The following SPAG9 variants were observed in gnomAD, a reference collection of about 807,000 sequenced individuals.
The protein encoded by SPAG9 is sperm associated antigen 9, also known as C-Jun-amino-terminal kinase-interacting protein 4.
SPAG9 carries 35 observed loss-of-function variants against 166.5 expected under a neutral mutation model. That is an observed-to-expected ratio of 0.21 (90% confidence interval 0.16 to 0.28). The LOEUF is 0.28. Ranked by LOEUF, SPAG9 falls within the 10% of genes least tolerant of loss-of-function variation. The pLI, the probability that SPAG9 is intolerant of heterozygous loss-of-function variation, is 1.00. For missense variants in SPAG9, 1,235 were observed against 1,603.3 expected, an observed-to-expected ratio of 0.77 and a Z score of 3.92; for synonymous variants, 534 against 565.5, an observed-to-expected ratio of 0.94 and a Z score of 0.79.
At chr17:51,001,964 T>A in intron 12 of SPAG9, 119 bp from the exon 13 acceptor site, 1 of 874,932 alleles carries the variant, frequency 1.1e-6, no homozygotes, top group Non-Finnish European at 1.8e-6. Flanking sequence ...ATCTAGTAGA[T>A]CATTTAAAGA....
intron 25 of SPAG9, among the ~76,000 whole-genome samples, chr17:50,981,390 G>GTGGATGGATGGATGGA (rs529102170): frequency 2.9e-4 from 44 of 150,142 alleles, no homozygotes; most frequent in African/African-American, 1.1e-3. Context: ...CAACCTGTGT[G>GTGGATGGATGGATGGA]TGGATGGATG....
chr17:51,120,180 C>T lies in SPAG9; in HGVS notation c.303+174G>A, dbSNP rs1598216954. On this transcript the variant is annotated intron_variant, in intron 1 of 29. Transcript: ENST00000262013. This position sits in a 1 kb window ranked among gnomAD's most constrained non-coding sequence, Gnocchi z 4.7. ...CAGTAGCCGGCCTCGGCTTCCAACG[C>T]CGGCCTGGCTCCCGGGGTACCTGGA... Among the ~76,000 whole-genome samples, 1 of 152,228 alleles carries T rather than the reference C, an allele frequency of 6.6e-6. No individual in the cohort carries two copies. Among genetic ancestry groups the T allele is most frequent in the East Asian group, 1.9e-4 (1 of 5,196 alleles).
At chr17:51,099,200 G>A (rs898348935) in intron 1 of SPAG9, among the ~76,000 whole-genome samples, 14 of 151,702 alleles carry the variant, frequency 9.2e-5, no homozygotes, top group Non-Finnish European at 1.6e-4. Flanking sequence ...TTGAGAGACC[G>A]AGGTGGGCAG....
intron 6 of SPAG9, among the ~76,000 whole-genome samples, chr17:51,027,322 C>T (rs112458272): frequency 6.6e-6 from 1 of 151,950 alleles, no homozygotes; most frequent in Non-Finnish European, 1.5e-5. Flanking sequence ...GTCCCAGCTA[C>T]CTGGGCGGCT....
At chr17:50,990,191 T>C in intron 20 of SPAG9, 1 of 514,098 alleles carries the variant, frequency 1.9e-6, no homozygotes, top group South Asian at 2.1e-5. Flanking sequence ...CCACGCCCGG[T>C]TAATTTTTTG....
At chr17:50,989,097 T>G (rs1462374900) in intron 21 of SPAG9, among the ~76,000 whole-genome samples, 2 of 152,170 alleles carry the variant, frequency 1.3e-5, no homozygotes, top group African/African-American at 4.8e-5. Flanking sequence ...AGATTTTGAC[T>G]AATATATAGT....
Position 50,970,696 on chromosome 17 carries a change from C to G in SPAG9, c.3850+11G>C. On this transcript the variant is annotated intron_variant, in intron 29 of 29. Transcript: ENST00000262013. ...ACAGTGCAAACTGAGCACCCAGAAC[C>G]AATGACATACCCATTCGGAAGTCGA... The G allele has an allele frequency of 6.2e-7, 1 of 1,612,834 alleles. No individual in the cohort carries two copies. Among genetic ancestry groups the G allele is most frequent in the Non-Finnish European group, 8.5e-7 (1 of 1,178,966 alleles).
Position 51,007,305 on chromosome 17 carries a change from T to C in SPAG9, c.1235A>G (p.Asn412Ser), listed in dbSNP as rs773723093. The C allele has an allele frequency of 6.3e-7, 1 of 1,584,448 alleles. No homozygotes were observed. Among genetic ancestry groups the C allele is most frequent in the South Asian group, 1.1e-5 (1 of 87,248 alleles). Reference protein sequence around the residue: ...DLLGMGREVENLILENTQLLE... With the variant: ...DLLGMGREVESLILENTQLLE... ...CAGTTGTGTATTTTCTAATATAAGA[T>C]TCTCAACTTCCCGACCCATTCCTAT... The change falls in exon 10 of 30, where the codon AAT (asparagine) becomes AGT (serine). Residue 412 changes from asparagine (N) to serine (S), a missense_variant. Asn to Ser is a conservative substitution (Grantham distance 46). Transcript: ENST00000262013.
chr17:50,995,366 A>G, intron 17 of SPAG9, 78 bp downstream of exon 17: 1 of 1,332,582 alleles, frequency 7.5e-7, no homozygotes. Context: ...TAGAAGTAAT[A>G]CTTATACTTT....
At chr17:51,114,274 C>G (rs906453045) in intron 1 of SPAG9, among the ~76,000 whole-genome samples, 1 of 152,136 alleles carries the variant, frequency 6.6e-6, no homozygotes, top group African/African-American at 2.4e-5. Context: ...TTACAGTGAT[C>G]TGAGATCGCA....
intron 8 of SPAG9, among the ~76,000 whole-genome samples, chr17:51,018,213 T>C (rs1568003812): frequency 7.2e-6 from 1 of 138,812 alleles, no homozygotes; most frequent in Non-Finnish European, 1.5e-5. Context: ...TAGCCCAGTG[T>C]GTGCCTGCAG....
intron 15 of SPAG9, 116 bp downstream of exon 15, chr17:50,998,328 C>T (rs190822776): frequency 2.1e-6 from 2 of 972,068 alleles, no homozygotes; most frequent in Non-Finnish European, 3.0e-6. Context: ...CCGTGCCTGG[C>T]CCAGAAATGA....
chr17:51,064,508 T>G (rs777414734), intron 2 of SPAG9, among the ~76,000 whole-genome samples: 1 of 152,146 alleles, frequency 6.6e-6, no homozygotes, highest in Non-Finnish European at 1.5e-5. Context: ...AAAACAATAT[T>G]ATCCGGTTAT....
intron 19 of SPAG9, among the ~76,000 whole-genome samples, chr17:50,993,264 C>G (rs1002714250): frequency 1.4e-5 from 2 of 146,282 alleles, no homozygotes; most frequent in East Asian, 2.0e-4. Flanking sequence ...TGCAGTGAGC[C>G]GAGATCATGC....
rs760894753 is a variant in SPAG9 at position 51,116,430 on chromosome 17, C to T, written c.303+3924G>A. Among the ~76,000 whole-genome samples, 3 of 152,158 alleles carry T rather than the reference C, an allele frequency of 2.0e-5. No individual in the cohort carries two copies. The East Asian group carries it at 5.8e-4, about 29-fold the overall frequency. On this transcript the variant is annotated intron_variant, in intron 1 of 29. Transcript: ENST00000262013. ...ACCCTAACATACCCAGTTATAACCT[C>T]TCTCTCCAGATCATTTTGTATCCAG...
chr17:51,014,452 A>G (rs1458207944), intron 8 of SPAG9, 99 bp from the exon 9 acceptor site: 1 of 972,110 alleles, frequency 1.0e-6, no homozygotes, highest in Non-Finnish European at 1.4e-6. Flanking sequence ...GGACTTTCTT[A>G]CCTATAATTT....
At chr17:51,024,773 A>C (rs79286946) in intron 6 of SPAG9, among the ~76,000 whole-genome samples, 7,284 of 151,870 alleles carry the variant, frequency 0.048, 519 homozygotes, top group African/African-American at 0.16. Flanking sequence ...GCTACTTCGG[A>C]GGCTGAGGCA....
At chr17:51,005,099 T>C (rs2045147145) in intron 12 of SPAG9, 113 bp downstream of exon 12, 2 of 868,958 alleles carry the variant, frequency 2.3e-6, no homozygotes, top group Non-Finnish European at 3.6e-6. Context: ...TAAACATGTC[T>C]CCTGACTTTT....
At chr17:51,079,511 T>A in intron 2 of SPAG9, 73 bp downstream of exon 2, 1 of 1,482,414 alleles carries the variant, frequency 6.7e-7, no homozygotes, top group Non-Finnish European at 9.3e-7. Context: ...AGTGCTGGGA[T>A]TACAGGCGTG....
Sources: allele counts gnomAD v4.1 joint callset (sites outside exome capture counted in the v4.1 genomes callset), GRCh38; gene constraint gnomAD v4.1.1; non-coding constraint Gnocchi (gnomAD v3.1); transcripts MANE v1.5; gene names NCBI Gene and HGNC (gene_info 2026-07-23, HGNC 2026-07-21).